ZNF428: variants seen among roughly 807,000 people sequenced by gnomAD.
ZNF428 encodes zinc finger protein 428.
A neutral mutation model predicts 15.6 loss-of-function variants in ZNF428; 5 were observed. The ratio of observed to expected loss-of-function variants is 0.32; its 90% CI spans 0.17 to 0.67. The LOEUF is 0.67. Among genes scored for constraint, ZNF428 ranks in the 30% least tolerant of loss-of-function variants. The pLI is 0.73. For missense variants in ZNF428, 237 were observed against 256.0 expected, an observed-to-expected ratio of 0.93 and a Z score of 0.51; for synonymous variants, 97 against 102.2, an observed-to-expected ratio of 0.95 and a Z score of 0.31.
At chr19:43,618,681 A>T (rs1460393817) in intron 1 of ZNF428, among the ~76,000 whole-genome samples, 1 of 144,044 alleles carries the variant, frequency 6.9e-6, no homozygotes, top group Non-Finnish European at 1.5e-5. Flanking sequence ...AAGTATTGGT[A>T]TCACTGCAAC....
intron 2 of ZNF428, 32 bp from the exon 3 acceptor site, chr19:43,608,139 T>C (rs1973260076): frequency 1.3e-6 from 2 of 1,586,344 alleles, no homozygotes; most frequent in East Asian, 4.5e-5. Flanking sequence ...AAGACAGTGG[T>C]ATCAGAGGAA....
chr19:43,607,828 G>C lies in ZNF428; in HGVS notation c.356C>G (p.Ala119Gly). ...PPCRLCCPAT[A>G]PQEAPAPEGR... ...TTCAGGGGCTGGTGCTTCCTGGGGGGCTGTAGCAGGGCAGCAGAGCCGGCA... is the reference window on the plus strand; with the variant it reads ...TTCAGGGGCTGGTGCTTCCTGGGGGCCTGTAGCAGGGCAGCAGAGCCGGCA... Residue 119 changes from alanine (A) to glycine (G), a missense_variant, in exon 3 of 3, where the codon GCC (alanine) becomes GGC (glycine). Physicochemically the swap from Ala to Gly is moderately conservative, Grantham distance 60. Transcript: ENST00000300811. This position sits in a 1 kb window ranked among gnomAD's most constrained non-coding sequence, Gnocchi z 5.1. 1 of 1,563,554 alleles carries C rather than the reference G, an allele frequency of 6.4e-7. No homozygotes were observed. Among genetic ancestry groups the C allele is most frequent in the Non-Finnish European group, 8.7e-7 (1 of 1,153,826 alleles).
At chr19:43,608,413 G>T in intron 2 of ZNF428, 1 of 287,270 alleles carries the variant, frequency 3.5e-6, no homozygotes, top group Non-Finnish European at 6.5e-6. Context: ...AAGATCACTT[G>T]AGCCCAGAAG....
chr19:43,612,382 A>G lies in ZNF428; in HGVS notation c.76+1847T>C. ...GCAGCAGGTCCCGAGTCCGCAGCAA[A>G]GCAAGAACACCCAGCAGGGTGAGCA... is the stretch of plus-strand genomic sequence containing the variant. On this transcript the variant is annotated intron_variant, in intron 2 of 2. Transcript: ENST00000300811. This position sits in a 1 kb window ranked among gnomAD's most constrained non-coding sequence, Gnocchi z 4.2. 1.9e-6 allele frequency: 3 copies of G among 1,551,712 alleles called. No homozygotes were observed. The African/African-American group carries it at 4.1e-5, about 21-fold the overall frequency.
chr19:43,608,171 C>T (rs1973260388), intron 2 of ZNF428, 64 bp from the exon 3 acceptor site: 1 of 1,548,748 alleles, frequency 6.5e-7, no homozygotes, highest in Non-Finnish European at 8.7e-7. Context: ...CCAAGCTGTC[C>T]CCTCCCTGAA....
At position 43,612,374 on chromosome 19, in the gene ZNF428, C is replaced by G; in HGVS notation, c.76+1855G>C. The G allele has an allele frequency of 1.3e-6, 2 of 1,551,668 alleles. No individual in the cohort carries two copies. Among genetic ancestry groups the G allele is most frequent in the Non-Finnish European group, 1.7e-6 (2 of 1,146,990 alleles). ...CCGGCCCAGCAGCAGGTCCCGAGTC[C>G]GCAGCAAAGCAAGAACACCCAGCAG... On this transcript the variant is annotated intron_variant, in intron 2 of 2. Coordinates refer to ENST00000300811, the MANE Select transcript of ZNF428 (RefSeq NM_182498.4). The surrounding 1 kb of genome is among the most constrained non-coding windows in gnomAD (Gnocchi z 4.2).
In ZNF428 at chr19:43,608,077, G is replaced by C; in HGVS notation, c.107C>G (p.Thr36Ser). ...GPEHSSDSEY[T>S]LSEPDSEEEE... ...CTCTTCGGAGTCCGGCTCTGAGAGAGTGTATTCTGAATCAGAGGAATGCTC... is the reference window on the plus strand; with the variant it reads ...CTCTTCGGAGTCCGGCTCTGAGAGACTGTATTCTGAATCAGAGGAATGCTC... The change falls in exon 3 of 3, where the codon ACT becomes AGT. Residue 36 changes from threonine to serine, a missense_variant. Transcript: ENST00000300811. 3 of 1,613,866 alleles carry C rather than the reference G, an allele frequency of 1.9e-6. No homozygotes were observed. The highest frequency in any genetic ancestry group is 2.5e-6 in the Non-Finnish European group (3 of 1,179,914).
At chr19:43,617,179 C>T (rs984627253) in intron 1 of ZNF428, among the ~76,000 whole-genome samples, 4 of 152,004 alleles carry the variant, frequency 2.6e-5, no homozygotes, top group Non-Finnish European at 5.9e-5. Flanking sequence ...ACTTCTTGCC[C>T]GCTGAAATAC....
intron 1 of ZNF428, among the ~76,000 whole-genome samples, chr19:43,618,777 T>C (rs986300572): frequency 1.2e-4 from 19 of 152,078 alleles, no homozygotes; most frequent in African/African-American, 4.3e-4. Context: ...ATATAATTGT[T>C]TATCTGAAAT....
At position 43,608,075 on chromosome 19, in the gene ZNF428, G is replaced by C. The variant is rs755881478; in HGVS notation, c.109C>G (p.Leu37Val). 6.2e-7 allele frequency: 1 copy of C among 1,613,896 alleles called. No individual in the cohort carries two copies. Among genetic ancestry groups the C allele is most frequent in the East Asian group, 2.2e-5 (1 of 44,874 alleles). ...TCCTCTTCGGAGTCCGGCTCTGAGAGAGTGTATTCTGAATCAGAGGAATGC... is the reference window on the plus strand; with the variant it reads ...TCCTCTTCGGAGTCCGGCTCTGAGACAGTGTATTCTGAATCAGAGGAATGC... ...PEHSSDSEYT[L>V]SEPDSEEEED... The change falls in exon 3 of 3, where the codon CTC becomes GTC. Residue 37 changes from leucine (L) to valine (V), a missense_variant. Transcript: ENST00000300811.
At chr19:43,608,187 A>ATAGTATGG (rs1600084643) in intron 2 of ZNF428, 80 bp from the exon 3 acceptor site, 1 of 1,528,306 alleles carries the variant, frequency 6.5e-7, no homozygotes, top group East Asian at 2.3e-5. Context: ...CTGAATCCCC[A>ATAGTATGG]CATTCAGACT....
chr19:43,613,170 G>C, intron 2 of ZNF428: 1 of 1,551,642 alleles, frequency 6.4e-7, no homozygotes, highest in Non-Finnish European at 8.7e-7. Context: ...CCCAGAAGAG[G>C]AAGAAGTCAC....
At chr19:43,613,012 G>A (rs1219535042) in intron 2 of ZNF428, 2 of 1,551,476 alleles carry the variant, frequency 1.3e-6, no homozygotes, top group Non-Finnish European at 1.7e-6. Context: ...GTCAGAAGAG[G>A]ACGCACAGCA....
At chr19:43,611,352 C>T (rs1284713538) in intron 2 of ZNF428, among the ~76,000 whole-genome samples, 3 of 151,664 alleles carry the variant, frequency 2.0e-5, no homozygotes, top group Admixed American at 6.6e-5. Flanking sequence ...GAGAGAGTCT[C>T]GCTGTCACCC....
chr19:43,613,074 C>T, intron 2 of ZNF428: 1 of 1,551,494 alleles, frequency 6.4e-7, no homozygotes, highest in East Asian at 2.4e-5. Context: ...AGAAGTCGCA[C>T]CCGGAAGGGA....
At position 43,607,967 on chromosome 19, in the gene ZNF428, C is replaced by T. The variant is rs1408472387; in HGVS notation, c.217G>A (p.Gly73Arg). 16 of 1,601,960 alleles carry T rather than the reference C, an allele frequency of 1.0e-5. No individual in the cohort carries two copies. Among genetic ancestry groups the T allele is most frequent in the East Asian group, 2.2e-5 (1 of 44,452 alleles). The change falls in exon 3 of 3, where the codon GGG becomes AGG. Residue 73 changes from glycine (G) to arginine (R), a missense_variant. Coordinates refer to ENST00000300811, the MANE Select transcript of ZNF428 (RefSeq NM_182498.4). The surrounding 1 kb of genome is among the most constrained non-coding windows in gnomAD (Gnocchi z 5.1). ...CGGCGGGATGGGCCACCACGGCCCC[C>T]GCCAAGGCGCTGCTTCACCTTGTAG... ...PGYKVKQRLG[G>R]GRGGPSRRAP...
Position 43,607,791 on chromosome 19 carries a change from G to C in ZNF428, c.393C>G (p.Leu131=). The change falls in exon 3 of 3, where the codon CTC becomes CTG. Residue 131 remains leucine (L), a synonymous_variant. Transcript: ENST00000300811. The surrounding 1 kb of genome is among the most constrained non-coding windows in gnomAD (Gnocchi z 5.1). ...QEAPAPEGRA[L]GEEEEEPPRA... ...GAGGTGGTTCCTCCTCTTCCTCCCC[G>C]AGGGCCCTGCCTTCAGGGGCTGGTG... 2 of 1,587,562 alleles carry C rather than the reference G, an allele frequency of 1.3e-6. No individual in the cohort carries two copies. Among genetic ancestry groups the C allele is most frequent in the East Asian group, 2.3e-5 (1 of 43,254 alleles).
At position 43,609,742 on chromosome 19, in the gene ZNF428, C is replaced by CAA. The variant is rs113961553; in HGVS notation, c.77-1637_77-1636dup. 7.4e-3 allele frequency among the ~76,000 whole-genome samples: 966 copies of CAA among 129,958 alleles called. 8 individuals carry two copies. Among genetic ancestry groups the CAA allele is most frequent in the African/African-American group, 0.026 (917 of 35,416 alleles). The allele number at this position is 129,958 out of a possible 152,430, so 85.3% of individuals were successfully genotyped here. On this transcript the variant is annotated intron_variant, in intron 2 of 2. Transcript: ENST00000300811. ...GGGTGACAGAGCAAGACTCCGTTCC[C>CAA]AAAAAAAAAAAAGAAAAGGGGAAAA... is the stretch of plus-strand genomic sequence containing the variant.
chr19:43,616,950 T>A (rs953922512), intron 1 of ZNF428, among the ~76,000 whole-genome samples: 2 of 151,494 alleles, frequency 1.3e-5, no homozygotes, highest in Non-Finnish European at 2.9e-5. Context: ...ACCACCACCA[T>A]GCCCGGCTAA....
Sources: gnomAD v4.1 joint callset for allele counts (sites outside exome capture counted in the v4.1 genomes callset) on GRCh38, gnomAD v4.1.1 for gene constraint, Gnocchi (gnomAD v3.1) non-coding constraint, MANE v1.5 for transcripts, NCBI Gene and HGNC (gene_info 2026-07-23, HGNC 2026-07-21) for gene names.